The following TENM4 variants were observed in gnomAD, a reference collection of about 807,000 sequenced individuals.
TENM4 encodes the protein teneurin transmembrane protein 4, also known as teneurin-4.
In TENM4, 82 loss-of-function variants were observed where a neutral mutation model predicts 243.3. The observed-to-expected ratio is 0.34, with a 90% confidence interval of 0.28 to 0.40. The LOEUF is 0.40. TENM4 is among the 10% of genes least tolerant of loss of function. TENM4 has a pLI of 1.00. For missense variants in TENM4, 3,138 were observed against 3,673.3 expected (o/e 0.85, Z 3.77); for synonymous variants, 1,412 against 1,456.3 (o/e 0.97, Z 0.69).
chr11:78,765,047 C>T (rs1856515304), intron 18 of TENM4, among the ~76,000 whole-genome samples: 2 of 152,092 alleles, frequency 1.3e-5, no homozygotes. Flanking sequence ...TATAGCAAGC[C>T]CATCAGTCTT....
intron 3 of TENM4, among the ~76,000 whole-genome samples, chr11:79,209,383 G>A (rs1863911363): frequency 6.6e-6 from 1 of 152,228 alleles, no homozygotes; most frequent in African/African-American, 2.4e-5. Context: ...CCCTGGGCCA[G>A]AAGGCGTTCC....
At chr11:79,219,225 C>G (rs976499284) in intron 2 of TENM4, among the ~76,000 whole-genome samples, 6 of 152,160 alleles carry the variant, frequency 3.9e-5, no homozygotes, top group Non-Finnish European at 5.9e-5. Flanking sequence ...GAGCAAGTGT[C>G]GAGCTCAGCT....
chr11:79,292,996 C>G (rs1856382269), intron 2 of TENM4, among the ~76,000 whole-genome samples: 1 of 152,188 alleles, frequency 6.6e-6, no homozygotes, highest in Non-Finnish European at 1.5e-5. Flanking sequence ...CCCTCAGAAA[C>G]CTCACAGTCC....
intron 6 of TENM4, among the ~76,000 whole-genome samples, chr11:78,992,039 A>T (rs1311275769): frequency 6.6e-6 from 1 of 152,120 alleles, no homozygotes; most frequent in Non-Finnish European, 1.5e-5. Context: ...TTAACTTCCC[A>T]CTCTGAAGGT....
At chr11:78,897,876 C>T (rs1855835012) in intron 7 of TENM4, among the ~76,000 whole-genome samples, 1 of 152,172 alleles carries the variant, frequency 6.6e-6, no homozygotes, top group African/African-American at 2.4e-5. Context: ...GGGTTTTTCC[C>T]CAAATTCAGT....
intron 12 of TENM4, among the ~76,000 whole-genome samples, chr11:78,831,780 CA>C (rs759588726): frequency 2.6e-5 from 4 of 152,180 alleles, no homozygotes; most frequent in South Asian, 2.1e-4. Context: ...AGGCAAATCA[CA>C]ATGCCTACTA....
At chr11:78,831,544 G>T (rs753310818) in intron 12 of TENM4, among the ~76,000 whole-genome samples, 63 of 152,342 alleles carry the variant, frequency 4.1e-4, no homozygotes, top group Non-Finnish European at 4.4e-4. Flanking sequence ...CTTGGAGACT[G>T]GGCAGATATT....
chr11:78,684,258 C>A (rs1010978590), intron 29 of TENM4, among the ~76,000 whole-genome samples: 3 of 152,228 alleles, frequency 2.0e-5, no homozygotes, highest in African/African-American at 7.2e-5. Flanking sequence ...TCTGTGGCTG[C>A]CTTGCTGTAA....
At chr11:79,374,152 C>T (rs1304073006) in intron 1 of TENM4, among the ~76,000 whole-genome samples, 1 of 152,188 alleles carries the variant, frequency 6.6e-6, no homozygotes, top group Non-Finnish European at 1.5e-5. Context: ...ATTCAAGACA[C>T]TCTTTGAGGA....
intron 1 of TENM4, among the ~76,000 whole-genome samples, chr11:79,375,989 C>T (rs1289563193): frequency 6.6e-6 from 1 of 152,214 alleles, no homozygotes; most frequent in Non-Finnish European, 1.5e-5. Flanking sequence ...ACACAGGATG[C>T]ACTTTTACAT....
chr11:78,784,420 G>T (rs1790544), intron 16 of TENM4, among the ~76,000 whole-genome samples: 126,736 of 152,104 alleles, frequency 0.83, 53,523 homozygotes, highest in African/African-American at 0.89. Flanking sequence ...CACGAGGGTG[G>T]TGAGTTTCTC....
intron 6 of TENM4, among the ~76,000 whole-genome samples, chr11:78,951,872 T>A (rs1305129829): frequency 6.6e-6 from 1 of 152,226 alleles, no homozygotes; most frequent in Non-Finnish European, 1.5e-5. Flanking sequence ...GCCCTATAGA[T>A]ACATAAAAGT....
chr11:78,879,654 G>A (rs550443610), intron 9 of TENM4, among the ~76,000 whole-genome samples: 9 of 144,878 alleles, frequency 6.2e-5, no homozygotes, highest in South Asian at 2.3e-4. Context: ...CTGCCCGGCC[G>A]CCACACCGTC....
At chr11:79,197,236 C>G (rs1198545430) in intron 3 of TENM4, among the ~76,000 whole-genome samples, 2 of 151,702 alleles carry the variant, frequency 1.3e-5, no homozygotes, top group Admixed American at 6.6e-5. Context: ...GGTATCATGC[C>G]CATTTGAGCG....
chr11:78,720,830 T>C (rs1251530663), intron 24 of TENM4, among the ~76,000 whole-genome samples: 1 of 151,850 alleles, frequency 6.6e-6, no homozygotes, highest in South Asian at 2.1e-4. Context: ...CTCCTCACAA[T>C]AGAATACAGA....
At chr11:79,205,572 A>G (rs574404) in intron 3 of TENM4, among the ~76,000 whole-genome samples, 71 of 152,318 alleles carry the variant, frequency 4.7e-4, no homozygotes, top group South Asian at 2.1e-4. Flanking sequence ...ACAGTAGTTA[A>G]GTTTCTGAGA....
chr11:78,876,613 T>TAG (rs1859273921), intron 9 of TENM4, among the ~76,000 whole-genome samples: 1 of 152,350 alleles, frequency 6.6e-6, no homozygotes, highest in South Asian at 2.1e-4. Context: ...CCCACAGGGA[T>TAG]AGGTTCAAAC....
At chr11:79,165,695 G>A (rs914395117) in intron 3 of TENM4, among the ~76,000 whole-genome samples, 7 of 152,090 alleles carry the variant, frequency 4.6e-5, no homozygotes, top group Non-Finnish European at 1.0e-4. Context: ...TCAGGTTCTT[G>A]ATCATAAAGT....
chr11:78,851,582 GCA>G (rs560535882), intron 12 of TENM4, among the ~76,000 whole-genome samples: 49 of 152,144 alleles, frequency 3.2e-4, no homozygotes, highest in Non-Finnish European at 5.4e-4. Flanking sequence ...TTTTGAACAA[GCA>G]CTACTCTATG....
Sources: allele counts gnomAD v4.1 joint callset (sites outside exome capture counted in the v4.1 genomes callset), GRCh38; gene constraint gnomAD v4.1.1; transcripts MANE v1.5; gene names NCBI Gene and HGNC (gene_info 2026-07-23, HGNC 2026-07-21).